PID1: variants seen among roughly 807,000 people sequenced by gnomAD.
The protein encoded by PID1 is phosphotyrosine interaction domain containing 1.
A neutral mutation model predicts 19.1 loss-of-function variants in PID1; 10 were observed. The observed-to-expected ratio is 0.52, with a 90% CI of 0.32 to 0.89. The LOEUF is 0.89. Among genes scored for constraint, PID1 ranks in the 40% least tolerant of loss-of-function variants. The probability of loss-of-function intolerance (pLI) is 0.03; values close to 1 mark genes in which losing one functional copy is unlikely to be tolerated. For missense variants in PID1, 248 were observed against 285.3 expected, an observed-to-expected ratio of 0.87 and a Z score of 0.94; for synonymous variants, 130 against 116.0, an observed-to-expected ratio of 1.12 and a Z score of -0.78.
In PID1 at chr2:229,215,736, T is replaced by C. The variant is rs6733703; in HGVS notation, c.30+55278A>G. On this transcript the variant is annotated intron_variant, in intron 1 of 2. Coordinates refer to ENST00000392055, the MANE Select transcript of PID1 (RefSeq NM_001100818.2). ...TCATAAGTTCAAATATGTACACAGA[T>C]ATGGCAGAGAAATGTTATGATAAAA... Among the ~76,000 whole-genome samples the C allele has an allele frequency of 7.7e-3, 1,175 of 152,298 alleles. 15 individuals are homozygous for C. Among genetic ancestry groups the C allele is most frequent in the African/African-American group, 0.027 (1,134 of 41,566 alleles).
chr2:229,047,743 G>A (rs906541413), intron 2 of PID1, among the ~76,000 whole-genome samples: 2 of 152,126 alleles, frequency 1.3e-5, no homozygotes, highest in Middle Eastern at 3.2e-3. Context: ...TCATTTGTCC[G>A]GTGATTCACA....
intron 1 of PID1, among the ~76,000 whole-genome samples, chr2:229,221,878 A>G (rs975319555): frequency 1.3e-5 from 2 of 151,990 alleles, no homozygotes; most frequent in African/African-American, 2.4e-5. Context: ...TTCCTTTCCC[A>G]CATGTCCACA....
chr2:229,180,186 T>G (rs1437055387), intron 1 of PID1, among the ~76,000 whole-genome samples: 2 of 152,138 alleles, frequency 1.3e-5, no homozygotes, highest in African/African-American at 4.8e-5. Flanking sequence ...AAGTGATTGA[T>G]GTTTATAAGG....
chr2:229,053,839 A>G (rs968689652), intron 2 of PID1, among the ~76,000 whole-genome samples: 1 of 152,228 alleles, frequency 6.6e-6, no homozygotes, highest in Non-Finnish European at 1.5e-5. Context: ...GGGAGAGCCC[A>G]ATCAGTCAAG....
chr2:229,179,839 C>CAGCA (rs2106217470), intron 1 of PID1, among the ~76,000 whole-genome samples: 1 of 152,260 alleles, frequency 6.6e-6, no homozygotes, highest in African/African-American at 2.4e-5. Context: ...CTGAACTGAG[C>CAGCA]AGCACGAAGC....
At chr2:229,202,016 T>A (rs760991494) in intron 1 of PID1, among the ~76,000 whole-genome samples, 1 of 152,056 alleles carries the variant, frequency 6.6e-6, no homozygotes, top group African/African-American at 2.4e-5. Flanking sequence ...CTGCCACCTA[T>A]TATGTGAAAA....
intron 2 of PID1, among the ~76,000 whole-genome samples, chr2:229,140,767 T>G (rs1689995025): frequency 6.6e-6 from 1 of 152,178 alleles, no homozygotes; most frequent in Non-Finnish European, 1.5e-5. Context: ...CATTTCTACT[T>G]TATATTTGTT....
At chr2:229,198,485 G>C (rs1043246488) in intron 1 of PID1, among the ~76,000 whole-genome samples, 1 of 151,970 alleles carries the variant, frequency 6.6e-6, no homozygotes, top group African/African-American at 2.4e-5. Context: ...CTGTGATCCA[G>C]GTTCCTGTAT....
chr2:229,077,819 G>C (rs11686529), intron 2 of PID1, among the ~76,000 whole-genome samples: 1 of 152,212 alleles, frequency 6.6e-6, no homozygotes, highest in African/African-American at 2.4e-5. Context: ...CAGGTAGCAT[G>C]ATGCCTCCAG....
rs61080735 is a variant in PID1 at position 229,141,642 on chromosome 2, T to TG, written c.177+14175dup. ...AAGAGAATGCATTCATCAATCAATGTGGGGGGGGAACTAATTTCAGTGGGA... is the reference window on the plus strand; with the variant it reads ...AAGAGAATGCATTCATCAATCAATGTGGGGGGGGGAACTAATTTCAGTGGGA... On this transcript the variant is annotated intron_variant, in intron 2 of 2. Transcript: ENST00000392055. 3.8e-3 allele frequency among the ~76,000 whole-genome samples: 581 copies of TG among 151,630 alleles called. 5 individuals are homozygous for TG. Among genetic ancestry groups the TG allele is most frequent in the African/African-American group, 0.012 (481 of 41,336 alleles).
At chr2:229,240,310 C>CA (rs199594103) in intron 1 of PID1, among the ~76,000 whole-genome samples, 28 of 147,808 alleles carry the variant, frequency 1.9e-4, no homozygotes, top group South Asian at 4.3e-4. Flanking sequence ...GATTTATGGT[C>CA]AAAAAAAAAA....
At position 229,185,705 on chromosome 2, in the gene PID1, A is replaced by AT. The variant is rs369087857; in HGVS notation, c.31-29742_31-29741insA. ...TCACTATCACAAGAATAGCACAGGAAAGACTGCCCCCATGATTCAATTACC... is the reference window on the plus strand; with the variant it reads ...TCACTATCACAAGAATAGCACAGGAATAGACTGCCCCCATGATTCAATTACC... On this transcript the variant is annotated intron_variant, in intron 1 of 2. Coordinates refer to ENST00000392055, the MANE Select transcript of PID1 (RefSeq NM_001100818.2). Among the ~76,000 whole-genome samples, 119 of 152,268 alleles carry AT rather than the reference A, an allele frequency of 7.8e-4. 1 individual carries two copies. The highest frequency in any genetic ancestry group is 2.7e-3 in the African/African-American group (113 of 41,554).
At chr2:229,046,087 T>G (rs987328258) in intron 2 of PID1, among the ~76,000 whole-genome samples, 4 of 152,122 alleles carry the variant, frequency 2.6e-5, no homozygotes, top group Admixed American at 6.6e-5. Flanking sequence ...TTTTGCAGCG[T>G]CTCACATATT....
rs982658242 is a variant in PID1, at chr2:229,102,878, G to A, written c.177+52940C>T. Among the ~76,000 whole-genome samples the A allele has an allele frequency of 3.0e-4, 45 of 152,180 alleles. 1 individual carries two copies. Among genetic ancestry groups the A allele is most frequent in the Non-Finnish European group, 4.4e-5 (3 of 68,042 alleles). ...CCAGGACAGCCTCCATGAGGGTTTG[G>A]AGAAGATGCTGTCTTTCAGGTACTA... On this transcript the variant is annotated intron_variant, in intron 2 of 2. Transcript: ENST00000392055.
intron 2 of PID1, among the ~76,000 whole-genome samples, chr2:229,112,565 A>T (rs781272212): frequency 5.3e-5 from 8 of 152,106 alleles, no homozygotes; most frequent in Non-Finnish European, 7.4e-5. Context: ...AGCTCACTGC[A>T]AGTTCTGCCT....
chr2:229,103,243 G>T (rs1361085778), intron 2 of PID1, among the ~76,000 whole-genome samples: 1 of 152,150 alleles, frequency 6.6e-6, no homozygotes, highest in African/African-American at 2.4e-5. Flanking sequence ...CTGCAGCAAG[G>T]TAGGGTCATG....
chr2:229,032,586 G>A (rs963341794), intron 2 of PID1, among the ~76,000 whole-genome samples: 1 of 152,150 alleles, frequency 6.6e-6, no homozygotes, highest in Non-Finnish European at 1.5e-5. Context: ...CACCACCCAG[G>A]GTGCTGGAAC....
intron 2 of PID1, among the ~76,000 whole-genome samples, chr2:229,030,740 A>T (rs1456974941): frequency 6.6e-6 from 1 of 152,188 alleles, no homozygotes; most frequent in East Asian, 1.9e-4. Context: ...TAACTAAGAG[A>T]AAATATCTTC....
chr2:229,238,656 G>A (rs954171896), intron 1 of PID1, among the ~76,000 whole-genome samples: 2 of 152,058 alleles, frequency 1.3e-5, no homozygotes, highest in African/African-American at 2.4e-5. Context: ...ACAAAGACAC[G>A]AACTTTCACT....
Sources: gnomAD v4.1 joint callset for allele counts (sites outside exome capture counted in the v4.1 genomes callset) on GRCh38, gnomAD v4.1.1 for gene constraint, MANE v1.5 for transcripts, NCBI Gene and HGNC (gene_info 2026-07-23, HGNC 2026-07-21) for gene names.